The following TMTC4 variants were observed in gnomAD, a reference collection of about 807,000 sequenced individuals.
TMTC4 encodes the protein protein O-mannosyl-transferase TMTC4.
TMTC4 carries 65 observed loss-of-function variants against 86.0 expected under a neutral mutation model. The observed-to-expected ratio is 0.76, with a 90% CI of 0.62 to 0.93. TMTC4 has a LOEUF of 0.93. Among genes scored for constraint, TMTC4 ranks in the 40% least tolerant of loss-of-function variants. TMTC4 has a pLI of 0.00. For synonymous variants in TMTC4, 379 were observed against 382.5 expected (o/e 0.99, Z 0.11); for missense variants, 866 against 948.1 (o/e 0.91, Z 1.14).
At chr13:100,640,772 C>A (rs1447630959) in intron 7 of TMTC4, among the ~76,000 whole-genome samples, 1 of 151,266 alleles carries the variant, frequency 6.6e-6, no homozygotes, top group South Asian at 2.1e-4. Flanking sequence ...ACGCCACTGC[C>A]CTCCCTCCAG....
At chr13:100,674,663 G>T (rs889587295) in intron 1 of TMTC4, 81 bp downstream of exon 1, 14 of 982,754 alleles carry the variant, frequency 1.4e-5, no homozygotes, top group Non-Finnish European at 1.6e-5. Flanking sequence ...CGGCGGCAGC[G>T]GGGAACCCGC....
At chr13:100,665,516 C>G (rs575416373) in intron 3 of TMTC4, among the ~76,000 whole-genome samples, 1 of 152,232 alleles carries the variant, frequency 6.6e-6, no homozygotes, top group East Asian at 1.9e-4. Context: ...ACAAATCATG[C>G]GCCGGGCACC....
Position 100,605,020 on chromosome 13 carries a change from C to T in TMTC4, c.2257G>A (p.Glu753Lys), listed in dbSNP as rs1004893683. 1.2e-6 allele frequency: 2 copies of T among 1,613,712 alleles called. No individual in the cohort carries two copies. The highest frequency in any genetic ancestry group is 2.7e-5 in the African/African-American group (2 of 74,908). The change falls in exon 19 of 19, where the codon GAA becomes AAA. Residue 753 changes from glutamate to lysine, a missense_variant. Physicochemically the swap from Glu to Lys is moderately conservative, Grantham distance 56. Coordinates refer to ENST00000342624, the MANE Select transcript of TMTC4 (RefSeq NM_032813.5). This position sits in a 1 kb window ranked among gnomAD's most constrained non-coding sequence, Gnocchi z 4.3. ...ENYGLLRRKL[E>K]LMQKKAV is the part of the protein sequence containing the mutation. The stretch of plus-strand genomic sequence containing the variant: ...CAGACAGCTTTCTTTTGCATTAGTT[C>T]TAGCTTTCTTCTCAGCAGACCGTAA...
In TMTC4 at chr13:100,664,313, C is replaced by G; in HGVS notation, c.243G>C (p.Leu81=). Reference sequence around the variant, plus strand: ...AGAAGTCATGATGCCACAGGTCCCCCAGGGGCGTTTCTGCTTGGAGGTCCT... The same window carrying G: ...AGAAGTCATGATGCCACAGGTCCCCGAGGGGCGTTTCTGCTTGGAGGTCCT... ...NNKDLQAETP[L]GDLWHHDFWG... is the part of the protein sequence containing the mutation. The change falls in exon 4 of 19, where the codon CTG becomes CTC. Residue 81 remains leucine (L), a synonymous_variant. Transcript: ENST00000342624. 1 of 1,610,606 alleles carries G rather than the reference C, an allele frequency of 6.2e-7. No individual in the cohort carries two copies. The highest frequency in any genetic ancestry group is 8.5e-7 in the Non-Finnish European group (1 of 1,178,306).
chr13:100,623,311 C>A (rs961783600), intron 15 of TMTC4, among the ~76,000 whole-genome samples: 2 of 152,252 alleles, frequency 1.3e-5, no homozygotes, highest in Admixed American at 6.5e-5. Context: ...TGGCTCACTG[C>A]AACCTCTGCT....
intron 12 of TMTC4, among the ~76,000 whole-genome samples, chr13:100,628,694 T>C (rs1227909459): frequency 6.6e-6 from 1 of 152,142 alleles, no homozygotes; most frequent in Non-Finnish European, 1.5e-5. Flanking sequence ...GCCAATCTAC[T>C]AGGAATTCTC....
intron 5 of TMTC4, among the ~76,000 whole-genome samples, chr13:100,660,103 G>A (rs923304372): frequency 6.6e-6 from 1 of 151,786 alleles, no homozygotes; most frequent in African/African-American, 2.4e-5. Context: ...GGCTGAGGCA[G>A]GTGGATCACT....
At chr13:100,653,065 C>T (rs913396237) in intron 6 of TMTC4, among the ~76,000 whole-genome samples, 4 of 152,302 alleles carry the variant, frequency 2.6e-5, no homozygotes, top group East Asian at 1.9e-4. Context: ...GCTCTTACTG[C>T]TTCTTCTCTG....
At chr13:100,667,541 G>C (rs1327660401) in intron 3 of TMTC4, among the ~76,000 whole-genome samples, 2 of 152,132 alleles carry the variant, frequency 1.3e-5, no homozygotes, top group Non-Finnish European at 2.9e-5. Context: ...ATGCAAATCA[G>C]TCATGTTGCC....
chr13:100,614,376 C>T lies in TMTC4; in HGVS notation c.1891G>A (p.Val631Met), dbSNP rs112049465. 4.8e-5 allele frequency: 78 copies of T among 1,613,524 alleles called. No homozygotes were observed. The highest frequency in any genetic ancestry group is 3.5e-4 in the South Asian group (32 of 91,026). ...GCCAGGCTGTGCTCTGGTTTCAGCA[C>T]GGTGGCATTTCTCCACGCATTCAAG... Reference protein sequence around the residue: ...DALNAWRNATVLKPEHSLAWN... With the variant: ...DALNAWRNATMLKPEHSLAWN... Residue 631 changes from valine to methionine, a missense_variant, in exon 16 of 19, where the codon GTG (valine) becomes ATG (methionine). Transcript: ENST00000342624.
intron 15 of TMTC4, chr13:100,615,041 TA>T: frequency 4.5e-6 from 3 of 661,382 alleles, no homozygotes; most frequent in Non-Finnish European, 5.6e-6. Flanking sequence ...TATGGTAAGG[TA>T]AAACCTCTTG....
chr13:100,616,618 T>C (rs562689813), intron 15 of TMTC4, among the ~76,000 whole-genome samples: 2 of 152,346 alleles, frequency 1.3e-5, no homozygotes, highest in East Asian at 3.9e-4. Context: ...TCACAGTGGA[T>C]GAACTAATTT....
intron 1 of TMTC4, chr13:100,674,235 G>C: frequency 2.0e-6 from 2 of 980,796 alleles, no homozygotes; most frequent in Non-Finnish European, 2.4e-6. Context: ...GGAGTAGCAG[G>C]CGCTCGCGGC....
At chr13:100,663,314 A>G (rs548293249) in intron 4 of TMTC4, 134 bp from the exon 5 acceptor site, 11 of 774,966 alleles carry the variant, frequency 1.4e-5, no homozygotes, top group African/African-American at 1.4e-4. Context: ...CTTGATAAAA[A>G]CAGCATCAAG....
chr13:100,641,784 G>A (rs1352262689), intron 7 of TMTC4, among the ~76,000 whole-genome samples: 1 of 152,162 alleles, frequency 6.6e-6, no homozygotes, highest in Non-Finnish European at 1.5e-5. Context: ...ATGGCGCCCG[G>A]CCCTGTTCCT....
chr13:100,675,042 C>T, upstream of TMTC4: 4 of 985,654 alleles, frequency 4.1e-6, no homozygotes, highest in Non-Finnish European at 4.8e-6. Flanking sequence ...TAGTCGGCGG[C>T]GAAGGAGGCG....
rs1026876796 is a variant in TMTC4 at position 100,674,654 on chromosome 13, G to C, written c.-208+90C>G. On this transcript the variant is annotated intron_variant, in intron 1 of 18. Coordinates refer to ENST00000342624, the MANE Select transcript of TMTC4 (RefSeq NM_032813.5). ...GGCCGCCGTGCGGGGCTCGGGACAC[G>C]GCGGCAGCGGGGAACCCGCGCCCGC... 1.8e-3 allele frequency: 1,770 copies of C among 982,146 alleles called. 2 individuals carry two copies. The highest frequency in any genetic ancestry group is 2.1e-3 in the Non-Finnish European group (1,702 of 828,714). The allele number at this position is 982,146 out of a possible 1,614,324, so 60.8% of individuals were successfully genotyped here. A position where few individuals can be genotyped will look rare whatever the true frequency, so the allele number is the denominator to read the frequency against.
At chr13:100,653,638 T>C (rs1478171228) in intron 6 of TMTC4, among the ~76,000 whole-genome samples, 1 of 152,144 alleles carries the variant, frequency 6.6e-6, no homozygotes, top group Admixed American at 6.5e-5. Flanking sequence ...TGTGATGGAA[T>C]TGAGGCAGAA....
chr13:100,619,049 A>G (rs1594248815), intron 15 of TMTC4, among the ~76,000 whole-genome samples: 1 of 151,844 alleles, frequency 6.6e-6, no homozygotes, highest in East Asian at 1.9e-4. Context: ...GGGGCTCCTC[A>G]CTTCCCAGTA....
Sources: allele counts gnomAD v4.1 joint callset (sites outside exome capture counted in the v4.1 genomes callset), GRCh38; gene constraint gnomAD v4.1.1; non-coding constraint Gnocchi (gnomAD v3.1); transcripts MANE v1.5; gene names NCBI Gene and HGNC (gene_info 2026-07-23, HGNC 2026-07-21).